The following SRGAP2 variants were observed in gnomAD, a reference collection of about 807,000 sequenced individuals.
SRGAP2 encodes the protein SLIT-ROBO Rho GTPase activating protein 2.
A neutral mutation model predicts 57.2 loss-of-function variants in SRGAP2; 15 were observed. That is an observed-to-expected ratio of 0.26 (90% CI 0.18 to 0.40). The LOEUF is 0.40. Ranked by LOEUF, SRGAP2 falls within the 10% of genes least tolerant of loss-of-function variation. SRGAP2 has a pLI of 1.00. For missense variants in SRGAP2, 520 were observed against 669.6 expected (o/e 0.78, Z 2.47); for synonymous variants, 249 against 248.0 (o/e 1.00, Z -0.04).
In SRGAP2 at chr1:206,413,382, G is replaced by A. The variant is rs536044310; in HGVS notation, c.1357-2507G>A. ...ACAATTAGGCATTGGTTGGGGATTTGGATATTACCCCGGGAAGAATGACAG... is the reference window on the plus strand; with the variant it reads ...ACAATTAGGCATTGGTTGGGGATTTAGATATTACCCCGGGAAGAATGACAG... On this transcript the variant is annotated intron_variant, in intron 10 of 22. Coordinates refer to ENST00000573034, the MANE Select transcript of SRGAP2 (RefSeq NM_015326.5). 7.6e-4 allele frequency among the ~76,000 whole-genome samples: 115 copies of A among 152,280 alleles called. 2 individuals are homozygous for A. The Middle Eastern group carries it at 0.01, about 14-fold the overall frequency.
rs2102830491 is a variant in SRGAP2 at position 206,320,966 on chromosome 1, C to T, written c.260+17493C>T. ...TTTTGCATAATCGTAGTGCAGTCATCGAAATCAGGACATACAGATTGATAC... is the reference window on the plus strand; with the variant it reads ...TTTTGCATAATCGTAGTGCAGTCATTGAAATCAGGACATACAGATTGATAC... On this transcript the variant is annotated intron_variant, in intron 3 of 22. Coordinates refer to ENST00000573034, the MANE Select transcript of SRGAP2 (RefSeq NM_015326.5). Among the ~76,000 whole-genome samples the T allele has an allele frequency of 2.8e-5, 4 of 145,142 alleles. 1 individual carries two copies. Among genetic ancestry groups the T allele is most frequent in the Middle Eastern group, 6.9e-3 (2 of 290 alleles).
At chr1:206,450,580 C>CAG in intron 19 of SRGAP2, 115 bp downstream of exon 19, 1 of 634,870 alleles carries the variant, frequency 1.6e-6, no homozygotes. Context: ...TGAGGGCAGG[C>CAG]AGAGAGCTCC....
intron 4 of SRGAP2, among the ~76,000 whole-genome samples, chr1:206,367,182 A>T (rs1162286190): frequency 6.6e-6 from 1 of 152,234 alleles, no homozygotes; most frequent in Non-Finnish European, 1.5e-5. Flanking sequence ...AACAGATGGA[A>T]TCACAACCTT....
intron 2 of SRGAP2, among the ~76,000 whole-genome samples, chr1:206,251,574 A>G (rs1454273922): frequency 1.3e-5 from 2 of 150,980 alleles, no homozygotes; most frequent in African/African-American, 4.9e-5. Flanking sequence ...TTGTAGGATT[A>G]CCTTTAGCCC....
intron 17 of SRGAP2, among the ~76,000 whole-genome samples, chr1:206,441,552 A>G (rs1553372085): frequency 6.6e-6 from 1 of 152,176 alleles, no homozygotes; most frequent in African/African-American, 2.4e-5. Flanking sequence ...CGCCCTCAAC[A>G]GCCTAGACCA....
chr1:206,347,832 T>C (rs1386770646), intron 4 of SRGAP2, among the ~76,000 whole-genome samples: 1 of 150,260 alleles, frequency 6.7e-6, no homozygotes, highest in African/African-American at 2.5e-5. Context: ...AACATCAACA[T>C]TGGATTGTTT....
chr1:206,283,108 T>C (rs1670822241), intron 2 of SRGAP2, among the ~76,000 whole-genome samples: 2 of 152,000 alleles, frequency 1.3e-5, no homozygotes, highest in African/African-American at 2.4e-5. Flanking sequence ...GGAGTACTTT[T>C]CCTGCCTTCT....
intron 3 of SRGAP2, among the ~76,000 whole-genome samples, chr1:206,340,562 G>A (rs1439806471): frequency 3.3e-5 from 5 of 152,218 alleles, no homozygotes; most frequent in Admixed American, 3.3e-4. Flanking sequence ...ATTGAAACCA[G>A]TTGTCAATGT....
At chr1:206,421,410 AG>A in intron 13 of SRGAP2, 136 bp downstream of exon 13, 1 of 503,618 alleles carries the variant, frequency 2.0e-6, no homozygotes, top group Non-Finnish European at 3.6e-6. Flanking sequence ...ATTTAGTCAT[AG>A]TATGTTTAAT....
chr1:206,461,333 C>T lies in SRGAP2; in HGVS notation c.3129C>T (p.Pro1043=). ...AACCACCAGCCACACGGCCCAAGCC[C>T]ACTGTCTTCCCCAAAACAAATGCCA... ...PVKPPATRPK[P]TVFPKTNATS... Residue 1043 remains proline (P), a synonymous_variant, in exon 23 of 23, where the codon CCC becomes CCT. Transcript: ENST00000573034. The T allele has an allele frequency of 1.3e-6, 1 of 780,968 alleles. No homozygotes were observed. The highest frequency in any genetic ancestry group is 2.4e-6 in the Non-Finnish European group (1 of 418,004). 48.4% of individuals were successfully genotyped at this position (780,968 alleles called of 1,614,324 possible). A position where few individuals can be genotyped will look rare whatever the true frequency, so the allele number is the denominator to read the frequency against.
chr1:206,453,723 C>G (rs1267004606), intron 20 of SRGAP2: 5 of 250,750 alleles, frequency 2.0e-5, no homozygotes, highest in Non-Finnish European at 7.5e-6. Flanking sequence ...TTTCTTTTCT[C>G]GAAAGATCAG....
At chr1:206,367,386 T>C (rs1370365148) in intron 4 of SRGAP2, among the ~76,000 whole-genome samples, 6 of 151,426 alleles carry the variant, frequency 4.0e-5, no homozygotes, top group African/African-American at 7.3e-5. Context: ...ATTGAAGGAG[T>C]TTATGAGTTC....
At chr1:206,281,287 T>G (rs1432724320) in intron 2 of SRGAP2, among the ~76,000 whole-genome samples, 3 of 142,836 alleles carry the variant, frequency 2.1e-5, no homozygotes, top group South Asian at 2.1e-4. Context: ...GGGATATGGG[T>G]TTTTTTTTCT....
At chr1:206,360,581 A>G (rs1302561305) in intron 4 of SRGAP2, among the ~76,000 whole-genome samples, 1 of 152,196 alleles carries the variant, frequency 6.6e-6, no homozygotes, top group East Asian at 1.9e-4. Flanking sequence ...GATGGTGAGA[A>G]GTGGTCAAAT....
chr1:206,442,971 C>T (rs2103345771), intron 17 of SRGAP2, among the ~76,000 whole-genome samples: 1 of 152,196 alleles, frequency 6.6e-6, no homozygotes, highest in Admixed American at 6.5e-5. Context: ...TTGTCAATCT[C>T]AAGGAACCAA....
intron 10 of SRGAP2, among the ~76,000 whole-genome samples, chr1:206,414,071 G>C (rs1318905279): frequency 7.2e-6 from 1 of 139,148 alleles, no homozygotes; most frequent in Non-Finnish European, 1.5e-5. Flanking sequence ...TTGCTCTGTC[G>C]CTCAGGCTGG....
At chr1:206,230,190 G>A (rs1164409887) in intron 2 of SRGAP2, among the ~76,000 whole-genome samples, 6 of 151,778 alleles carry the variant, frequency 4.0e-5, no homozygotes, top group Admixed American at 6.6e-5. Flanking sequence ...GGCATGCTTT[G>A]TAATGGAAAT....
intron 2 of SRGAP2, among the ~76,000 whole-genome samples, chr1:206,259,500 C>T (rs1669411851): frequency 1.3e-5 from 2 of 151,876 alleles, no homozygotes; most frequent in Admixed American, 6.6e-5. Context: ...CCAAGCCCAG[C>T]TAATTTTTTT....
intron 5 of SRGAP2, among the ~76,000 whole-genome samples, chr1:206,384,440 G>A (rs1387624401): frequency 6.7e-6 from 1 of 150,352 alleles, no homozygotes; most frequent in African/African-American, 2.5e-5. Flanking sequence ...CTATTAATAT[G>A]TGCCTGTCGG....
Sources: allele counts gnomAD v4.1 joint callset (sites outside exome capture counted in the v4.1 genomes callset), GRCh38; gene constraint gnomAD v4.1.1; transcripts MANE v1.5; gene names NCBI Gene and HGNC (gene_info 2026-07-23, HGNC 2026-07-21).